EPHA8: variants seen among roughly 807,000 people sequenced by gnomAD.
EPHA8 encodes the protein ephrin type-A receptor 8.
Under a neutral mutation model 103.6 loss-of-function variants are expected in EPHA8, and 58 were observed. The observed-to-expected ratio is 0.56, with a 90% CI of 0.45 to 0.70. The LOEUF is 0.70. Among genes scored for constraint, EPHA8 ranks in the 30% least tolerant of loss-of-function variants. The pLI, the probability that EPHA8 is intolerant of heterozygous loss-of-function variation, is 0.00. For missense variants in EPHA8, 1,304 were observed against 1,395.2 expected, an observed-to-expected ratio of 0.93 and a Z score of 1.04; for synonymous variants, 559 against 572.5, an observed-to-expected ratio of 0.98 and a Z score of 0.34.
intron 1 of EPHA8, among the ~76,000 whole-genome samples, chr1:22,564,092 T>G (rs1569935476): frequency 8.9e-6 from 1 of 112,938 alleles, no homozygotes; most frequent in Non-Finnish European, 1.8e-5. Flanking sequence ...GAGGGTACAG[T>G]GAGGTAGGGC....
intron 3 of EPHA8, among the ~76,000 whole-genome samples, chr1:22,581,116 C>G (rs150807589): frequency 6.6e-6 from 1 of 152,294 alleles, no homozygotes; most frequent in Non-Finnish European, 1.5e-5. Flanking sequence ...ATTATAGTCC[C>G]ATTTTACTGA....
intron 13 of EPHA8, among the ~76,000 whole-genome samples, chr1:22,600,130 A>AGAAG (rs1553149392): frequency 1.9e-4 from 16 of 82,754 alleles, no homozygotes; most frequent in African/African-American, 7.2e-4. Context: ...AGGGAAGGAG[A>AGAAG]GAAGGAAGGA....
chr1:22,595,124 C>A, intron 7 of EPHA8, 106 bp from the exon 8 acceptor site: 1 of 890,146 alleles, frequency 1.1e-6, no homozygotes, highest in Non-Finnish European at 1.7e-6. Context: ...CTGGGCTCCC[C>A]ACTGGCCCCA....
intron 2 of EPHA8, among the ~76,000 whole-genome samples, chr1:22,570,804 A>T (rs1372826359): frequency 1.3e-5 from 2 of 152,238 alleles, no homozygotes; most frequent in African/African-American, 4.8e-5. Context: ...CTGAGCGCGG[A>T]CGCCAGGTTC....
At chr1:22,570,495 G>A (rs1034578911) in intron 2 of EPHA8, among the ~76,000 whole-genome samples, 1 of 152,244 alleles carries the variant, frequency 6.6e-6, no homozygotes, top group African/African-American at 2.4e-5. Context: ...GAGGACAGAA[G>A]AATAATAATA....
At chr1:22,577,814 ATGTGTGTGCATGTG>A (rs1557558276) in intron 3 of EPHA8, among the ~76,000 whole-genome samples, 18 of 125,230 alleles carry the variant, frequency 1.4e-4, no homozygotes, top group African/African-American at 5.6e-4. Flanking sequence ...GTATGTGTGC[ATGTGTGTGCATGTG>A]TGCGTGTGTG....
intron 3 of EPHA8, among the ~76,000 whole-genome samples, chr1:22,579,360 TGTA>T (rs1640973069): frequency 7.1e-6 from 1 of 141,410 alleles, no homozygotes; most frequent in African/African-American, 3.2e-5. Context: ...TATGCGTGTG[TGTA>T]TGTGTGCATG....
At chr1:22,588,150 A>G (rs1353377894) in intron 4 of EPHA8, among the ~76,000 whole-genome samples, 4 of 152,138 alleles carry the variant, frequency 2.6e-5, no homozygotes, top group African/African-American at 9.7e-5. Context: ...TTACAATTCT[A>G]TTTTCTGAAG....
In EPHA8 at chr1:22,570,883, C is replaced by T. The variant is rs376486806; in HGVS notation, c.159+1530C>T. On this transcript the variant is annotated intron_variant, in intron 2 of 16. Transcript: ENST00000166244. ...GTAAAACACTCCTTGGTGTGGCTGT[C>T]TTCCCCGCGTGAGCGTGGTGTGGAA... 3.9e-5 allele frequency among the ~76,000 whole-genome samples: 6 copies of T among 152,278 alleles called. No homozygotes were observed. The South Asian group carries it at 1.2e-3, about 31-fold the overall frequency.
intron 3 of EPHA8, among the ~76,000 whole-genome samples, chr1:22,583,812 C>T (rs972322354): frequency 1.3e-5 from 2 of 152,208 alleles, no homozygotes; most frequent in East Asian, 1.9e-4. Context: ...AGCTTCTGCT[C>T]GGGCCTGACA....
In EPHA8 at chr1:22,593,647, C is replaced by G. The variant is rs1408235070; in HGVS notation, c.1564C>G (p.Arg522Gly). ...AGCCCGCACCTCAGCAGGCTGTGGC[C>G]GCTTCAGCCAGGCCATGGAGGTGGA... ...VRARTSAGCG[R>G]FSQAMEVETG... The change falls in exon 7 of 17, where the codon CGC (arginine) becomes GGC (glycine). Residue 522 changes from arginine to glycine, a missense_variant. Arg to Gly is a moderately radical substitution (Grantham distance 125). Coordinates refer to ENST00000166244, the MANE Select transcript of EPHA8 (RefSeq NM_020526.5). 1 of 1,605,968 alleles carries G rather than the reference C, an allele frequency of 6.2e-7. No individual in the cohort carries two copies. The highest frequency in any genetic ancestry group is 2.2e-5 in the East Asian group (1 of 44,538).
chr1:22,599,924 C>T (rs1276553325), intron 13 of EPHA8, among the ~76,000 whole-genome samples: 1 of 15,122 alleles, frequency 6.6e-5, no homozygotes, highest in African/African-American at 3.4e-4. Flanking sequence ...AGAGAAGGGA[C>T]GAGGGAGGGA....
chr1:22,571,742 T>C (rs1009443528), intron 2 of EPHA8, among the ~76,000 whole-genome samples: 4 of 152,092 alleles, frequency 2.6e-5, no homozygotes, highest in Non-Finnish European at 5.9e-5. Flanking sequence ...GGCCTGGGAA[T>C]CTTCTGTTTA....
chr1:22,595,681 A>G (rs1641497880), intron 8 of EPHA8, among the ~76,000 whole-genome samples: 1 of 152,152 alleles, frequency 6.6e-6, no homozygotes, highest in Non-Finnish European at 1.5e-5. Context: ...TGGGCTTGGG[A>G]TCCCAGACAA....
At chr1:22,575,325 T>G (rs988921284) in intron 2 of EPHA8, among the ~76,000 whole-genome samples, 8 of 152,234 alleles carry the variant, frequency 5.3e-5, no homozygotes, top group Non-Finnish European at 1.0e-4. Context: ...TGATTTGTAT[T>G]TCCCTAATGA....
At position 22,576,383 on chromosome 1, in the gene EPHA8, A is replaced by G. The variant is rs1470735573; in HGVS notation, c.326A>G (p.Asn109Ser). The G allele has an allele frequency of 1.2e-6, 2 of 1,613,756 alleles. No individual in the cohort carries two copies. The highest frequency in any genetic ancestry group is 1.7e-6 in the Non-Finnish European group (2 of 1,180,032). ...ATCAAGTTTACCCTGCGCGACTGCA[A>G]CAGCATGCCTGGTGTGCTGGGCACC... Reference protein sequence around the residue: ...AEIKFTLRDCNSMPGVLGTCK... With the variant: ...AEIKFTLRDCSSMPGVLGTCK... Residue 109 changes from asparagine (N) to serine (S), a missense_variant, in exon 3 of 17, where the codon AAC (asparagine) becomes AGC (serine). By Grantham distance (46) the Asn-to-Ser change is conservative. Transcript: ENST00000166244. This position sits in a 1 kb window ranked among gnomAD's most constrained non-coding sequence, Gnocchi z 4.8.
Position 22,600,714 on chromosome 1 carries a change from C to T in EPHA8, c.2442C>T (p.Thr814=), listed in dbSNP as rs1363799374. Residue 814 remains threonine (T), a synonymous_variant, in exon 14 of 17, where the codon ACC becomes ACT. Transcript: ENST00000166244. ...CCCCAGAGGCCATCGCCTTCCGCAC[C>T]TTCTCCTCGGCCAGCGACGTGTGGA... is the stretch of plus-strand genomic sequence containing the variant. ...WTAPEAIAFR[T]FSSASDVWSF... The T allele has an allele frequency of 1.2e-6, 2 of 1,613,680 alleles. No individual in the cohort carries two copies. Among genetic ancestry groups the T allele is most frequent in the Admixed American group, 1.7e-5 (1 of 60,014 alleles).
rs1244809003 is a variant in EPHA8 at position 22,569,198 on chromosome 1, A to T, written c.95-91A>T. 1 of 1,247,116 alleles carries T rather than the reference A, an allele frequency of 8.0e-7. No homozygotes were observed. The highest frequency in any genetic ancestry group is 1.2e-6 in the Non-Finnish European group (1 of 854,418). 77.3% of individuals were successfully genotyped at this position (1,247,116 alleles called of 1,614,324 possible). A position where few individuals can be genotyped will look rare whatever the true frequency, so the allele number is the denominator to read the frequency against. On this transcript the variant is annotated intron_variant, in intron 1 of 16. Transcript: ENST00000166244. The surrounding 1 kb of genome is among the most constrained non-coding windows in gnomAD (Gnocchi z 4.5). ...CGTGTGAGCTGTGTGCTGGGGGCTG[A>T]GTGTGGACCAGTGTAGCTGGGTCAG...
At chr1:22,591,777 C>T (rs1641378540) in intron 5 of EPHA8, among the ~76,000 whole-genome samples, 2 of 152,170 alleles carry the variant, frequency 1.3e-5, no homozygotes, top group African/African-American at 4.8e-5. Context: ...GCTTCTCCTT[C>T]GGAATGACTC....
Sources: gnomAD v4.1 joint callset for allele counts (sites outside exome capture counted in the v4.1 genomes callset) on GRCh38, gnomAD v4.1.1 for gene constraint, Gnocchi (gnomAD v3.1) non-coding constraint, MANE v1.5 for transcripts, NCBI Gene and HGNC (gene_info 2026-07-23, HGNC 2026-07-21) for gene names.